Variants in KCTD16 observed in about 807,000 individuals in gnomAD.
KCTD16 encodes the protein BTB/POZ domain-containing protein KCTD16.
KCTD16 carries 13 observed loss-of-function variants against 33.2 expected under a neutral mutation model. The observed-to-expected ratio is 0.39, with a 90% CI of 0.25 to 0.62. The LOEUF (loss-of-function observed/expected upper bound fraction) is 0.62, where lower values mean the gene tolerates loss of function less well. KCTD16 is among the 20% of genes least tolerant of loss of function. The probability of loss-of-function intolerance (pLI) is 0.50; values close to 1 mark genes in which losing one functional copy is unlikely to be tolerated. For missense variants in KCTD16, 441 were observed against 525.1 expected, an observed-to-expected ratio of 0.84 and a Z score of 1.57; for synonymous variants, 197 against 195.3, an observed-to-expected ratio of 1.01 and a Z score of -0.07.
intron 3 of KCTD16, among the ~76,000 whole-genome samples, chr5:144,381,065 G>C (rs914027956): frequency 2.0e-5 from 3 of 152,002 alleles, no homozygotes; most frequent in Non-Finnish European, 4.4e-5. Flanking sequence ...TCTGATAAAG[G>C]TCTAATATCC....
intron 3 of KCTD16, among the ~76,000 whole-genome samples, chr5:144,341,372 C>T (rs995497942): frequency 2.6e-5 from 4 of 152,018 alleles, no homozygotes; most frequent in African/African-American, 7.2e-5. Flanking sequence ...CATATATATG[C>T]GGGGGATTTC....
chr5:144,376,076 C>T (rs893542047), intron 3 of KCTD16, among the ~76,000 whole-genome samples: 3 of 152,110 alleles, frequency 2.0e-5, no homozygotes, highest in Admixed American at 6.6e-5. Context: ...TGGTCCGCCT[C>T]GACCTCCCAA....
intron 3 of KCTD16, among the ~76,000 whole-genome samples, chr5:144,398,162 C>T (rs1000500204): frequency 2.6e-5 from 4 of 152,142 alleles, no homozygotes; most frequent in African/African-American, 9.7e-5. Context: ...GTGGAAATCC[C>T]ACAGCAAAAC....
At chr5:144,467,305 A>T (rs1259173158) in intron 3 of KCTD16, among the ~76,000 whole-genome samples, 2 of 151,628 alleles carry the variant, frequency 1.3e-5, no homozygotes, top group East Asian at 1.9e-4. Context: ...TTTGGGTGGA[A>T]GGTTTACTCT....
chr5:144,432,017 G>C (rs1016554256), intron 3 of KCTD16, among the ~76,000 whole-genome samples: 3 of 152,072 alleles, frequency 2.0e-5, no homozygotes, highest in Non-Finnish European at 4.4e-5. Context: ...AAAGAGCTAT[G>C]TGTACTCTAT....
At chr5:144,299,077 TGTATATATATATCAC>T (rs1561558237) in intron 3 of KCTD16, among the ~76,000 whole-genome samples, 2,384 of 82,050 alleles carry the variant, frequency 0.029, 361 homozygotes, top group African/African-American at 0.11. Flanking sequence ...TATATATTTT[TGTATATATATATCAC>T]TATGTATATA....
At chr5:144,415,557 A>G (rs1753029593) in intron 3 of KCTD16, among the ~76,000 whole-genome samples, 2 of 152,114 alleles carry the variant, frequency 1.3e-5, no homozygotes, top group Non-Finnish European at 2.9e-5. Flanking sequence ...CACTTGCAAC[A>G]TAAATTATAT....
chr5:144,289,343 C>T (rs940787470), intron 3 of KCTD16, among the ~76,000 whole-genome samples: 5 of 152,166 alleles, frequency 3.3e-5, no homozygotes, highest in Non-Finnish European at 7.3e-5. Context: ...CAAATACCTG[C>T]CTTCTAATGA....
At chr5:144,208,371 A>C (rs756139950) in intron 3 of KCTD16, among the ~76,000 whole-genome samples, 3 of 152,228 alleles carry the variant, frequency 2.0e-5, no homozygotes, top group Non-Finnish European at 4.4e-5. Context: ...TGCTTAAATG[A>C]AGATACCCTG....
At chr5:144,301,643 A>C (rs1751446826) in intron 3 of KCTD16, among the ~76,000 whole-genome samples, 1 of 152,230 alleles carries the variant, frequency 6.6e-6, no homozygotes, top group African/African-American at 2.4e-5. Flanking sequence ...TGCCGTCTCG[A>C]CATAGTGAAC....
chr5:144,412,316 T>C (rs2126954671), intron 3 of KCTD16, among the ~76,000 whole-genome samples: 1 of 152,286 alleles, frequency 6.6e-6, no homozygotes, highest in South Asian at 2.1e-4. Context: ...GTGGTAAATG[T>C]ACCCAATGGA....
chr5:144,182,200 C>A (rs1274116868), intron 2 of KCTD16, among the ~76,000 whole-genome samples: 1 of 152,064 alleles, frequency 6.6e-6, no homozygotes, highest in Non-Finnish European at 1.5e-5. Flanking sequence ...ATAAGGTTAT[C>A]CCCATTCATT....
At chr5:144,431,025 G>C (rs144947501) in intron 3 of KCTD16, among the ~76,000 whole-genome samples, 1 of 152,138 alleles carries the variant, frequency 6.6e-6, no homozygotes, top group South Asian at 2.1e-4. Context: ...AAGACCAAAC[G>C]TATAGCCCCA....
chr5:144,297,592 G>T (rs1334109187), intron 3 of KCTD16, among the ~76,000 whole-genome samples: 1 of 152,166 alleles, frequency 6.6e-6, no homozygotes, highest in Admixed American at 6.5e-5. Flanking sequence ...GCGAGAGATA[G>T]GACTAACTAG....
intron 3 of KCTD16, among the ~76,000 whole-genome samples, chr5:144,217,094 T>A (rs1753587685): frequency 6.6e-6 from 1 of 152,188 alleles, no homozygotes; most frequent in Non-Finnish European, 1.5e-5. Flanking sequence ...GGAATTCTCT[T>A]GACTTGGAGA....
chr5:144,422,239 A>G (rs185605582), intron 3 of KCTD16, among the ~76,000 whole-genome samples: 14 of 152,278 alleles, frequency 9.2e-5, no homozygotes, highest in Admixed American at 9.2e-4. Context: ...AGTATTTGTC[A>G]AAGAGAATCA....
chr5:144,353,641 A>G (rs1314727438), intron 3 of KCTD16, among the ~76,000 whole-genome samples: 2 of 152,182 alleles, frequency 1.3e-5, no homozygotes, highest in African/African-American at 2.4e-5. Context: ...CCATGTGAAG[A>G]TATTTGAGAG....
At chr5:144,243,602 C>A (rs1284686036) in intron 3 of KCTD16, among the ~76,000 whole-genome samples, 1 of 152,108 alleles carries the variant, frequency 6.6e-6, no homozygotes, top group Non-Finnish European at 1.5e-5. Flanking sequence ...AAAGTGAAGT[C>A]TAAGATGATT....
At chr5:144,218,483 A>AT (rs1478258912) in intron 3 of KCTD16, among the ~76,000 whole-genome samples, 1 of 152,080 alleles carries the variant, frequency 6.6e-6, no homozygotes, top group African/African-American at 2.4e-5. Context: ...ATTTAATTAG[A>AT]TTTTTTCCAT....
Sources: gnomAD v4.1 joint callset for allele counts (sites outside exome capture counted in the v4.1 genomes callset) on GRCh38, gnomAD v4.1.1 for gene constraint, MANE v1.5 for transcripts, NCBI Gene and HGNC (gene_info 2026-07-23, HGNC 2026-07-21) for gene names.